Variants in KANK2 observed in about 807,000 individuals in gnomAD.
KANK2 encodes KN motif and ankyrin repeat domains 2.
In KANK2, 41 loss-of-function variants were observed where a neutral mutation model predicts 74.6. That is an observed-to-expected ratio of 0.55 (90% CI 0.43 to 0.71). The LOEUF (loss-of-function observed/expected upper bound fraction) is 0.71, where lower values mean the gene tolerates loss of function less well. Ranked by LOEUF, KANK2 falls within the 30% of genes least tolerant of loss-of-function variation. The pLI is 0.00. For missense variants in KANK2, 1,148 were observed against 1,196.4 expected (o/e 0.96, Z 0.60); for synonymous variants, 537 against 519.0 (o/e 1.03, Z -0.47).
In KANK2 at chr19:11,169,035, C is replaced by G. The variant is rs556815035; in HGVS notation, c.2502+842G>C. Among the ~76,000 whole-genome samples, 3 of 152,194 alleles carry G rather than the reference C, an allele frequency of 2.0e-5. No homozygotes were observed. In the East Asian group the frequency reaches 5.8e-4, roughly 29 times the overall value. Reference sequence around the variant, plus strand: ...TGGGCAACATAGTGAGACCCAGTCTCTACAAAAGATGTTAAAAAATGTCCG... The same window carrying G: ...TGGGCAACATAGTGAGACCCAGTCTGTACAAAAGATGTTAAAAAATGTCCG... On this transcript the variant is annotated intron_variant, in intron 12 of 12. Transcript: ENST00000586659.
Position 11,166,469 on chromosome 19 carries a change from G to T in KANK2, c.*89C>A. ...CCGTGGGCCTTGGGGAGTGTGAGTG[G>T]GGTGGGCCAGGGAGGAACGGGAACA... On this transcript the variant is annotated 3_prime_UTR_variant, in exon 13 of 13. Coordinates refer to ENST00000586659, the MANE Select transcript of KANK2 (RefSeq NM_001136191.3). The T allele has an allele frequency of 3.3e-6, 4 of 1,224,204 alleles. No individual in the cohort carries two copies. Among genetic ancestry groups the T allele is most frequent in the South Asian group, 2.4e-5 (2 of 81,962 alleles). The allele number at this position is 1,224,204 out of a possible 1,614,324, so 75.8% of individuals were successfully genotyped here.
chr19:11,187,632 G>A (rs2078713980), intron 4 of KANK2, among the ~76,000 whole-genome samples: 1 of 152,152 alleles, frequency 6.6e-6, no homozygotes, highest in Non-Finnish European at 1.5e-5. Context: ...AGAAATTTCA[G>A]GGTCCTGCAA....
At chr19:11,176,969 G>A in intron 6 of KANK2, 152 bp from the exon 7 acceptor site, 2 of 856,710 alleles carry the variant, frequency 2.3e-6, no homozygotes, top group Non-Finnish European at 3.3e-6. Flanking sequence ...TGTGGGATGT[G>A]GTTTACAGCA....
chr19:11,185,004 T>C lies in KANK2; in HGVS notation c.1250-6284A>G, dbSNP rs752137328. Among the ~76,000 whole-genome samples the C allele has an allele frequency of 2.0e-5, 3 of 147,514 alleles. 1 individual carries two copies. The highest frequency in any genetic ancestry group is 4.5e-5 in the Non-Finnish European group (3 of 66,518). ...ATTTTTGTATTGTTGTAGAGATGGG[T>C]TTCACCATGTTGGCCAGGGTGGTCT... On this transcript the variant is annotated intron_variant, in intron 4 of 12. Coordinates refer to ENST00000586659, the MANE Select transcript of KANK2 (RefSeq NM_001136191.3).
At chr19:11,194,423 C>T (rs1010631264) in intron 3 of KANK2, 52 bp downstream of exon 3, 16 of 1,496,420 alleles carry the variant, frequency 1.1e-5, no homozygotes, top group Middle Eastern at 1.8e-4. Context: ...CCCCTCAGGC[C>T]TCCAGAACTG....
At chr19:11,197,767 G>A (rs2079066770), upstream of KANK2, 1 of 150,950 alleles carries the variant, frequency 6.6e-6, no homozygotes, top group Non-Finnish European at 1.5e-5. Flanking sequence ...TCCTCCCTAA[G>A]TCCCCGAGGC....
At chr19:11,197,214 AG>A (rs2079045779) in intron 1 of KANK2, 1 of 133,514 alleles carries the variant, frequency 7.5e-6, no homozygotes, top group Non-Finnish European at 1.5e-5. Flanking sequence ...AGAAACGGGC[AG>A]GGCACGAGGA....
In KANK2 at chr19:11,174,701, G is replaced by A. The variant is rs367671388; in HGVS notation, c.1849-9C>T. On this transcript the variant is annotated splice_polypyrimidine_tract_variant and intron_variant, in intron 8 of 12. Transcript: ENST00000586659. ...GTGGTGTAGGCCACTTTCTGCATGC[G>A]AGTCAGGTGGGAGAGGATGTGAGGG... The A allele has an allele frequency of 3.7e-5, 59 of 1,587,224 alleles. No individual in the cohort carries two copies. Among genetic ancestry groups the A allele is most frequent in the Admixed American group, 1.7e-4 (10 of 57,162 alleles).
intron 8 of KANK2, 136 bp downstream of exon 8, chr19:11,175,766 C>T (rs1460516414): frequency 1.5e-5 from 9 of 588,950 alleles, no homozygotes; most frequent in East Asian, 1.4e-4. Context: ...GCACCACCAC[C>T]CCCATGCTCT....
intron 4 of KANK2, among the ~76,000 whole-genome samples, chr19:11,182,243 G>A (rs1423175678): frequency 6.6e-6 from 1 of 151,546 alleles, no homozygotes; most frequent in Admixed American, 6.6e-5. Context: ...TTCTATCTAT[G>A]TTACCACAAT....
intron 4 of KANK2, among the ~76,000 whole-genome samples, chr19:11,188,233 C>G (rs913061214): frequency 1.8e-4 from 27 of 150,516 alleles, no homozygotes; most frequent in African/African-American, 6.6e-4. Flanking sequence ...GACGGAGTCT[C>G]ACTCTCACTC....
At position 11,193,351 on chromosome 19, in the gene KANK2, C is replaced by T. The variant is rs1442577207; in HGVS notation, c.729G>A (p.Arg243=). Reference sequence around the variant, plus strand: ...GGTCCAGGCAGAGCTCGCTGCGACCCCGGCCCGCTGTGGGGTGGCCCAGGA... The same window carrying T: ...GGTCCAGGCAGAGCTCGCTGCGACCTCGGCCCGCTGTGGGGTGGCCCAGGA... ...QKFLGHPTAG[R]GRSELCLDLP... Residue 243 remains arginine, a synonymous_variant, in exon 4 of 13, where the codon CGG becomes CGA. Transcript: ENST00000586659. This position sits in a 1 kb window ranked among gnomAD's most constrained non-coding sequence, Gnocchi z 9.6. 6.2e-7 allele frequency: 1 copy of T among 1,612,520 alleles called. No homozygotes were observed. The highest frequency in any genetic ancestry group is 2.2e-5 in the East Asian group (1 of 44,832).
Position 11,193,190 on chromosome 19 carries a change from T to G in KANK2, c.890A>C (p.Lys297Thr). Residue 297 changes from lysine to threonine, a missense_variant, in exon 4 of 13, where the codon AAG becomes ACG. By Grantham distance (78) the Lys-to-Thr change is moderately conservative (BLOSUM62 -1). Coordinates refer to ENST00000586659, the MANE Select transcript of KANK2 (RefSeq NM_001136191.3). This position sits in a 1 kb window ranked among gnomAD's most constrained non-coding sequence, Gnocchi z 9.6. The part of the protein sequence containing the change: ...AKVAVLETQL[K>T]KALQELQAAQ... ...TGCCTGCAGCTCCTGCAGCGCCTTC[T>G]TGAGCTGGGTCTCCAGCACAGCGAC... 4 of 1,610,196 alleles carry G rather than the reference T, an allele frequency of 2.5e-6. No individual in the cohort carries two copies. The highest frequency in any genetic ancestry group is 3.4e-6 in the Non-Finnish European group (4 of 1,179,696).
rs2078907345 is a variant in KANK2 at position 11,193,199 on chromosome 19, G to A, written c.881C>T (p.Thr294Ile). Residue 294 changes from threonine (T) to isoleucine (I), a missense_variant, in exon 4 of 13, where the codon ACC (threonine) becomes ATC (isoleucine). Physicochemically the swap from Thr to Ile is moderately conservative, Grantham distance 89. Coordinates refer to ENST00000586659, the MANE Select transcript of KANK2 (RefSeq NM_001136191.3). This position sits in a 1 kb window ranked among gnomAD's most constrained non-coding sequence, Gnocchi z 9.6. The stretch of plus-strand genomic sequence containing the variant: ...CTCCTGCAGCGCCTTCTTGAGCTGG[G>A]TCTCCAGCACAGCGACCTTGGCGGC... ...ALAAKVAVLE[T>I]QLKKALQELQ... is the part of the protein sequence containing the mutation. 2.5e-6 allele frequency: 4 copies of A among 1,609,914 alleles called. No individual in the cohort carries two copies. The highest frequency in any genetic ancestry group is 1.7e-5 in the Admixed American group (1 of 59,990).
chr19:11,167,893 G>C (rs2078066649), intron 12 of KANK2, among the ~76,000 whole-genome samples: 1 of 151,742 alleles, frequency 6.6e-6, no homozygotes, highest in African/African-American at 2.4e-5. Flanking sequence ...TGTTCCTGCT[G>C]CCCGGAAGAC....
rs890743603 is a variant in KANK2, at chr19:11,195,691, GTCTC to G, written c.-153_-150del. The G allele has an allele frequency of 2.2e-5, 1 of 45,052 alleles. No homozygotes were observed. The highest frequency in any genetic ancestry group is 1.6e-4 in the African/African-American group (1 of 6,438). 2.8% of individuals were successfully genotyped at this position (45,052 alleles called of 1,614,324 possible). A position where few individuals can be genotyped will look rare whatever the true frequency, so the allele number is the denominator to read the frequency against. On this transcript the variant is annotated 5_prime_UTR_variant, in exon 2 of 13. Transcript: ENST00000586659. ...TCCAAGTCTCTCTGTGTCTCTCCAC[GTCTC>G]TCTGTGTCTCTCCACGTCTCTGTCT...
intron 4 of KANK2, among the ~76,000 whole-genome samples, chr19:11,192,177 T>C (rs2078865047): frequency 6.6e-6 from 1 of 152,168 alleles, no homozygotes; most frequent in African/African-American, 2.4e-5. Context: ...CCGAGATTGA[T>C]TCCTGCCACT....
intron 8 of KANK2, 76 bp downstream of exon 8, chr19:11,175,826 G>A (rs549009390): frequency 9.8e-7 from 1 of 1,025,274 alleles, no homozygotes; most frequent in Admixed American, 1.9e-5. Flanking sequence ...AGTCACTGAG[G>A]ATGAGGAGAG....
chr19:11,173,135 G>C lies in KANK2; in HGVS notation c.2069-12C>G, dbSNP rs750720130. On this transcript the variant is annotated splice_polypyrimidine_tract_variant and intron_variant, in intron 9 of 12. Coordinates refer to ENST00000586659, the MANE Select transcript of KANK2 (RefSeq NM_001136191.3). ...CACCTTGCAGACACCTAAGAGACATGGTGTGAACCCTCAGACCAGGGATCG... is the reference window on the plus strand; with the variant it reads ...CACCTTGCAGACACCTAAGAGACATCGTGTGAACCCTCAGACCAGGGATCG... The C allele has an allele frequency of 8.7e-6, 14 of 1,607,880 alleles. No individual in the cohort carries two copies. Among genetic ancestry groups the C allele is most frequent in the Non-Finnish European group, 1.2e-5 (14 of 1,176,530 alleles).
Sources: allele counts gnomAD v4.1 joint callset (sites outside exome capture counted in the v4.1 genomes callset), GRCh38; gene constraint gnomAD v4.1.1; non-coding constraint Gnocchi (gnomAD v3.1); transcripts MANE v1.5; gene names NCBI Gene and HGNC (gene_info 2026-07-23, HGNC 2026-07-21).